The following MAP3K2 variants were observed in gnomAD, a reference collection of about 807,000 sequenced individuals.
MAP3K2 encodes the protein MAP/ERK kinase kinase 2.
Under a neutral mutation model 80.3 loss-of-function variants are expected in MAP3K2, and 24 were observed. The ratio of observed to expected loss-of-function variants is 0.30; its 90% CI spans 0.22 to 0.42. MAP3K2 has a LOEUF of 0.42. Ranked by LOEUF, MAP3K2 falls within the 10% of genes least tolerant of loss-of-function variation. MAP3K2 has a pLI of 1.00. For missense variants in MAP3K2, 608 were observed against 750.1 expected, an observed-to-expected ratio of 0.81 and a Z score of 2.21; for synonymous variants, 244 against 253.7, an observed-to-expected ratio of 0.96 and a Z score of 0.36.
chr2:127,333,452 G>C (rs1232778695), intron 5 of MAP3K2, among the ~76,000 whole-genome samples: 1 of 152,034 alleles, frequency 6.6e-6, no homozygotes, highest in African/African-American at 2.4e-5. Context: ...TATTACACTA[G>C]AAAAATATTT....
chr2:127,383,746 A>C (rs1687292648), intron 1 of MAP3K2, among the ~76,000 whole-genome samples: 4 of 152,242 alleles, frequency 2.6e-5, no homozygotes, highest in Admixed American at 1.3e-4. Flanking sequence ...CATCTGAGGC[A>C]AAGAGTTTGC....
chr2:127,303,821 C>T lies in MAP3K2; in HGVS notation c.*3758G>A, dbSNP rs933412997. The T allele has an allele frequency of 4.6e-5, 7 of 152,148 alleles. No individual in the cohort carries two copies. The highest frequency in any genetic ancestry group is 1.4e-4 in the African/African-American group (6 of 41,424). The allele number at this position is 152,148 out of a possible 1,614,324, so 9.4% of individuals were successfully genotyped here. ...CAGACTCCAAATAAAATCACTGGCA[C>T]AGAACTTTGCCATAGGCCAAGGAGT... On this transcript the variant is annotated 3_prime_UTR_variant, in exon 17 of 17. Transcript: ENST00000682094.
intron 5 of MAP3K2, among the ~76,000 whole-genome samples, chr2:127,333,650 A>C (rs1281298448): frequency 1.3e-5 from 2 of 152,200 alleles, no homozygotes; most frequent in African/African-American, 4.8e-5. Context: ...TCTTAAATGT[A>C]ATCTTATCCT....
In MAP3K2 at chr2:127,339,538, G is replaced by C. The variant is rs541184925; in HGVS notation, c.5-488C>G. Among the ~76,000 whole-genome samples the C allele has an allele frequency of 6.0e-4, 92 of 152,196 alleles. No individual in the cohort carries two copies. Among genetic ancestry groups the C allele is most frequent in the African/African-American group, 2.2e-3 (92 of 41,540 alleles). ...GAAACAAAGAAAAGCTTCACCTGTG[G>C]ATACTGGCCTACTGTATTTGGAAAT... On this transcript the variant is annotated intron_variant, in intron 2 of 16. Transcript: ENST00000682094. The surrounding 1 kb of genome is among the most constrained non-coding windows in gnomAD (Gnocchi z 4.2).
At chr2:127,375,418 A>AT (rs767717946) in intron 1 of MAP3K2, among the ~76,000 whole-genome samples, 248 of 142,042 alleles carry the variant, frequency 1.7e-3, no homozygotes, top group African/African-American at 4.0e-3. Context: ...TTATTTATTT[A>AT]TTTTTTTTTT....
At chr2:127,308,328 G>A (rs2104803488) in intron 16 of MAP3K2, among the ~76,000 whole-genome samples, 1 of 152,292 alleles carries the variant, frequency 6.6e-6, no homozygotes, top group African/African-American at 2.4e-5. Context: ...TTCTGTAATA[G>A]CAAAAAGCTT....
intron 14 of MAP3K2, among the ~76,000 whole-genome samples, chr2:127,316,385 T>C (rs1685905472): frequency 6.6e-6 from 1 of 152,132 alleles, no homozygotes; most frequent in East Asian, 1.9e-4. Flanking sequence ...ATTAAACAAA[T>C]AAAAATTATG....
At chr2:127,385,599 A>G (rs1229902898) in intron 1 of MAP3K2, among the ~76,000 whole-genome samples, 1 of 152,254 alleles carries the variant, frequency 6.6e-6, no homozygotes, top group East Asian at 1.9e-4. Context: ...ATATGGCAAG[A>G]TAACAACAAA....
chr2:127,337,895 A>G lies in MAP3K2; in HGVS notation c.124-117T>C. The G allele has an allele frequency of 8.7e-6, 5 of 573,746 alleles. No individual in the cohort carries two copies. In the South Asian group the frequency reaches 1.1e-4, roughly 12 times the overall value. 35.5% of individuals were successfully genotyped at this position (573,746 alleles called of 1,614,324 possible). A position where few individuals can be genotyped will look rare whatever the true frequency, so the allele number is the denominator to read the frequency against. ...TTTAGCCATTCATTTAAAATAGACC[A>G]GACGAGGAGGGAATTTTGAAGTTCT... On this transcript the variant is annotated intron_variant, in intron 3 of 16. Coordinates refer to ENST00000682094, the MANE Select transcript of MAP3K2 (RefSeq NM_001371910.2).
chr2:127,338,788 C>A (rs1160033973), intron 3 of MAP3K2, 144 bp downstream of exon 3: 1 of 608,082 alleles, frequency 1.6e-6, no homozygotes, highest in African/African-American at 1.9e-5. Context: ...GATGAACACA[C>A]ACTCTTACAC....
rs1288897566 is a variant in MAP3K2, at chr2:127,337,764, G to C, written c.138C>G (p.Val46=). The change falls in exon 4 of 17, where the codon GTC becomes GTG. Residue 46 remains valine (V), a synonymous_variant. Transcript: ENST00000682094. ...SSPKKQNDVR[V]KFEHRGEKRI... Reference sequence around the variant, plus strand: ...TTTTTTCTCCTCTATGTTCAAATTTGACTCGGACATCATTCTGTAATGAAA... The same window carrying C: ...TTTTTTCTCCTCTATGTTCAAATTTCACTCGGACATCATTCTGTAATGAAA... The C allele has an allele frequency of 3.3e-6, 5 of 1,526,446 alleles. No homozygotes were observed. The highest frequency in any genetic ancestry group is 4.4e-6 in the Non-Finnish European group (5 of 1,125,972). The allele number at this position is 1,526,446 out of a possible 1,614,324, so 94.6% of individuals were successfully genotyped here. A position where few individuals can be genotyped will look rare whatever the true frequency, so the allele number is the denominator to read the frequency against.
At position 127,301,198 on chromosome 2, in the gene MAP3K2, C is replaced by T. The variant is rs1191641153; in HGVS notation, c.*6381G>A. 6.6e-6 allele frequency: 1 copy of T among 152,196 alleles called. No individual in the cohort carries two copies. Among genetic ancestry groups the T allele is most frequent in the Non-Finnish European group, 1.5e-5 (1 of 68,028 alleles). The allele number at this position is 152,196 out of a possible 1,614,324, so 9.4% of individuals were successfully genotyped here. Reference sequence around the variant, plus strand: ...AAAGCAGACATCAGTCCAGAACCTACTTTTCCTCACAGCTTTGCTGAAATG... The same window carrying T: ...AAAGCAGACATCAGTCCAGAACCTATTTTTCCTCACAGCTTTGCTGAAATG... On this transcript the variant is annotated 3_prime_UTR_variant, in exon 17 of 17. Transcript: ENST00000682094.
chr2:127,351,493 C>G (rs1207292578), intron 1 of MAP3K2, among the ~76,000 whole-genome samples: 1 of 152,120 alleles, frequency 6.6e-6, no homozygotes, highest in Non-Finnish European at 1.5e-5. Flanking sequence ...TATCAAGAAG[C>G]ATCTCTATTT....
intron 3 of MAP3K2, among the ~76,000 whole-genome samples, chr2:127,338,091 G>A (rs1406982382): frequency 2.6e-5 from 4 of 152,116 alleles, no homozygotes; most frequent in Non-Finnish European, 5.9e-5. Context: ...TATGTGTCAT[G>A]CTGAGTATCC....
intron 15 of MAP3K2, among the ~76,000 whole-genome samples, chr2:127,311,330 A>AT (rs1330528933): frequency 6.6e-6 from 1 of 152,132 alleles, no homozygotes; most frequent in South Asian, 2.1e-4. Context: ...AACAAAGCCC[A>AT]TTTTTTACTG....
At chr2:127,376,845 C>T (rs1029218999) in intron 1 of MAP3K2, among the ~76,000 whole-genome samples, 2 of 152,086 alleles carry the variant, frequency 1.3e-5, no homozygotes, top group Non-Finnish European at 1.5e-5. Context: ...ACAGGAGGAT[C>T]GCTTGAGCCC....
At chr2:127,374,127 C>G (rs1168234415) in intron 1 of MAP3K2, among the ~76,000 whole-genome samples, 1 of 152,182 alleles carries the variant, frequency 6.6e-6, no homozygotes, top group Non-Finnish European at 1.5e-5. Flanking sequence ...TACTAGCACT[C>G]AGAGAGCTGA....
At chr2:127,374,595 G>A (rs1687118621) in intron 1 of MAP3K2, among the ~76,000 whole-genome samples, 1 of 152,198 alleles carries the variant, frequency 6.6e-6, no homozygotes, top group South Asian at 2.1e-4. Context: ...AACCTAATCA[G>A]TTTTGGCAAA....
In MAP3K2 at chr2:127,302,562, C is replaced by T. The variant is rs1047225370; in HGVS notation, c.*5017G>A. Reference sequence around the variant, plus strand: ...CAAAATGTTAGCTGAGAATTAAGGACTAGAATCTGCTATCCCTGGATTTCC... The same window carrying T: ...CAAAATGTTAGCTGAGAATTAAGGATTAGAATCTGCTATCCCTGGATTTCC... On this transcript the variant is annotated 3_prime_UTR_variant, in exon 17 of 17. Transcript: ENST00000682094. 2 of 152,088 alleles carry T rather than the reference C, an allele frequency of 1.3e-5. No homozygotes were observed. The highest frequency in any genetic ancestry group is 4.8e-5 in the African/African-American group (2 of 41,414). 9.4% of individuals were successfully genotyped at this position (152,088 alleles called of 1,614,324 possible).
Sources: allele counts gnomAD v4.1 joint callset (sites outside exome capture counted in the v4.1 genomes callset), GRCh38; gene constraint gnomAD v4.1.1; non-coding constraint Gnocchi (gnomAD v3.1); transcripts MANE v1.5; gene names NCBI Gene and HGNC (gene_info 2026-07-23, HGNC 2026-07-21).